MKLN1: variants seen among roughly 807,000 people sequenced by gnomAD.
The protein encoded by MKLN1 is muskelin 1.
In MKLN1, 18 loss-of-function variants were observed where a neutral mutation model predicts 99.0. That is an observed-to-expected ratio of 0.18 (90% CI 0.13 to 0.27). MKLN1 has a LOEUF of 0.27. Among genes scored for constraint, MKLN1 ranks in the 10% least tolerant of loss-of-function variants. MKLN1 has a pLI of 1.00. For synonymous variants in MKLN1, 288 were observed against 293.2 expected (o/e 0.98, Z 0.18); for missense variants, 621 against 875.9 (o/e 0.71, Z 3.67).
At chr7:131,228,852 T>C (rs571703329) in intron 3 of MKLN1, among the ~76,000 whole-genome samples, 4 of 152,344 alleles carry the variant, frequency 2.6e-5, no homozygotes, top group African/African-American at 7.2e-5. Flanking sequence ...AGCCTTATCT[T>C]GTAAGTAGGA....
chr7:131,117,931 A>G (rs951108797), intron 1 of MKLN1, among the ~76,000 whole-genome samples: 3 of 152,226 alleles, frequency 2.0e-5, no homozygotes, highest in Non-Finnish European at 4.4e-5. Flanking sequence ...CATGACTAAG[A>G]TGGAGAATCC....
chr7:131,313,148 T>C (rs1436661815), intron 3 of MKLN1, among the ~76,000 whole-genome samples: 1 of 152,258 alleles, frequency 6.6e-6, no homozygotes, highest in East Asian at 1.9e-4. Flanking sequence ...AAGACGTTTC[T>C]ATTTTACTTT....
intron 2 of MKLN1, among the ~76,000 whole-genome samples, chr7:131,180,730 T>C (rs56058198): frequency 0.28 from 42,052 of 151,072 alleles, 6,209 homozygotes; most frequent in East Asian, 0.51. Context: ...AAAAGAAAGC[T>C]GTATAACTTT....
Position 131,115,625 on chromosome 7 carries a change from G to T in MKLN1, c.-419+5418G>T, listed in dbSNP as rs564546806. Among the ~76,000 whole-genome samples the T allele has an allele frequency of 2.0e-5, 3 of 152,194 alleles. 1 individual carries two copies. In the East Asian group the frequency reaches 5.8e-4, roughly 29 times the overall value. ...AGTCCAGACTCCTCCTCCATGCAGG[G>T]CCCGTGGAGCCCTGTACGGCATCCC... is the stretch of plus-strand genomic sequence containing the variant. On this transcript the variant is annotated intron_variant, in intron 1 of 7. Transcript: ENST00000416992.
chr7:131,405,655 A>G (rs1009657749), intron 6 of MKLN1, among the ~76,000 whole-genome samples: 1 of 152,014 alleles, frequency 6.6e-6, no homozygotes, highest in Admixed American at 6.6e-5. Context: ...TGTTCAGTTT[A>G]GTATTTTCAT....
intron 6 of MKLN1, among the ~76,000 whole-genome samples, chr7:131,403,191 A>G (rs539650172): frequency 6.6e-6 from 1 of 152,268 alleles, no homozygotes; most frequent in South Asian, 2.1e-4. Flanking sequence ...ATCTTCTATA[A>G]TACATCAACA....
rs1404858333 is a variant in MKLN1, at chr7:131,463,436, A to G, written c.1673+72A>G. On this transcript the variant is annotated intron_variant, in intron 13 of 17. Coordinates refer to ENST00000352689, the MANE Select transcript of MKLN1 (RefSeq NM_013255.5). ...GAGGTTGTTGGTTTATTCAAAAAAGAGAGAAATGAGAGTATTACGTTAATT... is the reference window on the plus strand; with the variant it reads ...GAGGTTGTTGGTTTATTCAAAAAAGGGAGAAATGAGAGTATTACGTTAATT... 3 of 1,416,664 alleles carry G rather than the reference A, an allele frequency of 2.1e-6. No homozygotes were observed. The East Asian group carries it at 6.9e-5, about 33-fold the overall frequency. 87.8% of individuals were successfully genotyped at this position (1,416,664 alleles called of 1,614,324 possible).
chr7:131,283,632 A>G (rs1285680858), intron 3 of MKLN1, among the ~76,000 whole-genome samples: 2 of 151,912 alleles, frequency 1.3e-5, no homozygotes, highest in African/African-American at 2.4e-5. Context: ...ACAGGGTTTC[A>G]TGATGTTGCT....
intron 11 of MKLN1, among the ~76,000 whole-genome samples, chr7:131,444,366 C>T (rs1195349353): frequency 6.6e-6 from 1 of 151,898 alleles, no homozygotes; most frequent in Non-Finnish European, 1.5e-5. Flanking sequence ...ATCCACCCGC[C>T]TCTGCCTTCT....
chr7:131,162,299 C>T (rs904228589), intron 2 of MKLN1, among the ~76,000 whole-genome samples: 3 of 152,066 alleles, frequency 2.0e-5, no homozygotes, highest in East Asian at 1.9e-4. Flanking sequence ...GTGATTCAGC[C>T]ACCTGGACCT....
Position 131,450,609 on chromosome 7 carries a change from G to A in MKLN1, c.1525+4706G>A, listed in dbSNP as rs534445323. The stretch of plus-strand genomic sequence containing the variant: ...CTTCTTGCCACCAACTCTGTTTCAC[G>A]ACCACCGAATATTAAATCTTTATAG... On this transcript the variant is annotated intron_variant, in intron 12 of 17. Transcript: ENST00000352689. Among the ~76,000 whole-genome samples the A allele has an allele frequency of 7.9e-5, 12 of 152,018 alleles. No homozygotes were observed. The South Asian group carries it at 1.3e-3, about 16-fold the overall frequency.
intron 3 of MKLN1, among the ~76,000 whole-genome samples, chr7:131,219,100 G>A (rs1405132994): frequency 6.6e-6 from 1 of 152,130 alleles, no homozygotes; most frequent in Non-Finnish European, 1.5e-5. Context: ...CTTCAGTTTT[G>A]CAAGATGGAA....
intron 1 of MKLN1, among the ~76,000 whole-genome samples, chr7:131,337,074 A>G (rs184068642): frequency 1.7e-4 from 26 of 152,304 alleles, no homozygotes; most frequent in Admixed American, 1.2e-3. Context: ...TTCTGTTGCA[A>G]AATCAGCCGT....
intron 9 of MKLN1, among the ~76,000 whole-genome samples, chr7:131,434,243 C>A (rs969269438): frequency 2.0e-5 from 3 of 152,054 alleles, no homozygotes; most frequent in African/African-American, 7.2e-5. Context: ...GGTTTAGTCT[C>A]CATTTATTTT....
At chr7:131,152,499 T>C (rs937724207) in intron 2 of MKLN1, among the ~76,000 whole-genome samples, 17 of 131,484 alleles carry the variant, frequency 1.3e-4, no homozygotes, top group Non-Finnish European at 2.6e-4. Context: ...GTTTCTTTTT[T>C]TCTTTTTTTT....
intron 3 of MKLN1, among the ~76,000 whole-genome samples, chr7:131,291,340 A>G (rs983536874): frequency 2.6e-5 from 4 of 151,170 alleles, no homozygotes; most frequent in African/African-American, 4.8e-5. Flanking sequence ...CATGTTGGCC[A>G]GGCTGGTCTC....
At chr7:131,298,702 C>T (rs1459074059) in intron 3 of MKLN1, among the ~76,000 whole-genome samples, 2 of 152,218 alleles carry the variant, frequency 1.3e-5, no homozygotes, top group African/African-American at 4.8e-5. Context: ...ATCTGCCTGG[C>T]TTCCACTCTA....
intron 2 of MKLN1, among the ~76,000 whole-genome samples, chr7:131,181,237 C>T (rs137948120): frequency 6.6e-6 from 1 of 152,184 alleles, no homozygotes; most frequent in Non-Finnish European, 1.5e-5. Context: ...GAGGCTTAGC[C>T]TCACATCAGC....
intron 10 of MKLN1, 28 bp from the exon 11 acceptor site, chr7:131,443,453 T>A: frequency 2.0e-6 from 3 of 1,500,728 alleles, no homozygotes; most frequent in Non-Finnish European, 2.8e-6. Flanking sequence ...AAACTAAAAC[T>A]ATTCAATCTG....
Sources: allele counts gnomAD v4.1 joint callset (sites outside exome capture counted in the v4.1 genomes callset), GRCh38; gene constraint gnomAD v4.1.1; transcripts MANE v1.5; gene names NCBI Gene and HGNC (gene_info 2026-07-23, HGNC 2026-07-21).